GABRB2: variants seen among roughly 807,000 people sequenced by gnomAD.
The protein encoded by GABRB2 is gamma-aminobutyric acid type A receptor subunit beta2.
GABRB2 carries 16 observed loss-of-function variants against 54.7 expected under a neutral mutation model. The ratio of observed to expected loss-of-function variants is 0.29; its 90% CI spans 0.20 to 0.44. GABRB2 has a LOEUF of 0.44. Among genes scored for constraint, GABRB2 ranks in the 20% least tolerant of loss-of-function variants. The pLI, the probability that GABRB2 is intolerant of heterozygous loss-of-function variation, is 1.00. For missense variants in GABRB2, 355 were observed against 644.0 expected (o/e 0.55, Z 4.86); for synonymous variants, 244 against 233.8 (o/e 1.04, Z -0.40).
intron 5 of GABRB2, among the ~76,000 whole-genome samples, chr5:161,364,023 A>G (rs1239628727): frequency 1.3e-5 from 2 of 152,220 alleles, no homozygotes; most frequent in East Asian, 3.8e-4. Context: ...CTGAAGTGAT[A>G]AAAATCACAT....
At chr5:161,466,764 G>A (rs1457842720) in intron 3 of GABRB2, among the ~76,000 whole-genome samples, 1 of 151,956 alleles carries the variant, frequency 6.6e-6, no homozygotes, top group Non-Finnish European at 1.5e-5. Flanking sequence ...TCAACCATGA[G>A]CTTCGGCCCT....
chr5:161,297,797 C>T (rs1040389748), intron 9 of GABRB2, among the ~76,000 whole-genome samples: 13 of 152,056 alleles, frequency 8.5e-5, no homozygotes, highest in Non-Finnish European at 1.3e-4. Context: ...AGTATATACT[C>T]GGTAATGGGA....
intron 5 of GABRB2, among the ~76,000 whole-genome samples, chr5:161,349,276 C>T (rs1025453420): frequency 3.3e-5 from 5 of 151,724 alleles, no homozygotes; most frequent in Non-Finnish European, 7.4e-5. Context: ...AAACAAACTA[C>T]GGGACCTATG....
intron 9 of GABRB2, among the ~76,000 whole-genome samples, chr5:161,323,169 C>T (rs1003729327): frequency 7.3e-5 from 11 of 151,618 alleles, no homozygotes; most frequent in African/African-American, 2.7e-4. Context: ...TTACAGGCGC[C>T]CGCCACCACA....
intron 5 of GABRB2, among the ~76,000 whole-genome samples, chr5:161,378,536 A>G (rs1336166144): frequency 6.6e-6 from 1 of 152,106 alleles, no homozygotes; most frequent in Admixed American, 6.6e-5. Flanking sequence ...TCTAGGGGCA[A>G]AGACATGTTT....
chr5:161,359,359 C>A (rs1479691729), intron 5 of GABRB2, among the ~76,000 whole-genome samples: 1 of 151,872 alleles, frequency 6.6e-6, no homozygotes, highest in Non-Finnish European at 1.5e-5. Flanking sequence ...CTTCTATAAA[C>A]CTAAATTTTT....
intron 9 of GABRB2, 73 bp downstream of exon 9, chr5:161,326,295 T>G: frequency 6.3e-7 from 1 of 1,590,150 alleles, no homozygotes; most frequent in Admixed American, 1.8e-5. Flanking sequence ...CCCACACATT[T>G]TTTAAGGGAA....
chr5:161,408,833 TG>T (rs1419301814), intron 5 of GABRB2, among the ~76,000 whole-genome samples: 1 of 151,010 alleles, frequency 6.6e-6, no homozygotes, highest in Non-Finnish European at 1.5e-5. Flanking sequence ...AGAATGAGAG[TG>T]AATGAATGCC....
Position 161,289,166 on chromosome 5 carries a change from T to C in GABRB2, c.*4915A>G, listed in dbSNP as rs1425395461. 1 of 151,818 alleles carries C rather than the reference T, an allele frequency of 6.6e-6. No individual in the cohort carries two copies. The highest frequency in any genetic ancestry group is 2.4e-5 in the African/African-American group (1 of 41,270). 9.4% of individuals were successfully genotyped at this position (151,818 alleles called of 1,614,324 possible). ...CAAATTAAAATTTGATGTCAGAATTTTGAATATATCTACAGAAATATTTTA... is the reference window on the plus strand; with the variant it reads ...CAAATTAAAATTTGATGTCAGAATTCTGAATATATCTACAGAAATATTTTA... On this transcript the variant is annotated 3_prime_UTR_variant, in exon 10 of 10. Transcript: ENST00000393959.
intron 4 of GABRB2, among the ~76,000 whole-genome samples, chr5:161,457,604 C>T (rs1233706601): frequency 6.6e-6 from 1 of 152,000 alleles, no homozygotes; most frequent in Non-Finnish European, 1.5e-5. Flanking sequence ...CGCCACTACG[C>T]CCAGCAAATT....
chr5:161,478,538 G>C (rs920503198), intron 3 of GABRB2, among the ~76,000 whole-genome samples: 3 of 151,994 alleles, frequency 2.0e-5, no homozygotes, highest in Non-Finnish European at 2.9e-5. Flanking sequence ...TTTACAATAT[G>C]CTTGTGTTTT....
chr5:161,525,818 AATAAATCAACCTGGGGGTG>A (rs1338184356), intron 3 of GABRB2, among the ~76,000 whole-genome samples: 1 of 151,366 alleles, frequency 6.6e-6, no homozygotes, highest in Admixed American at 6.6e-5. Context: ...CCCAGTATTA[AATAAATCAACCTGGGGGTG>A]ATAAGTTCTT....
At chr5:161,517,891 G>C (rs899229904) in intron 3 of GABRB2, among the ~76,000 whole-genome samples, 1 of 151,900 alleles carries the variant, frequency 6.6e-6, no homozygotes, top group East Asian at 1.9e-4. Flanking sequence ...CTGCCTCCCG[G>C]GTTCACACCA....
At chr5:161,403,945 C>G (rs372894845) in intron 5 of GABRB2, among the ~76,000 whole-genome samples, 2 of 152,070 alleles carry the variant, frequency 1.3e-5, no homozygotes, top group East Asian at 3.9e-4. Context: ...TATGATTTCT[C>G]TTTACTAGGG....
At chr5:161,533,681 T>C (rs181547069) in intron 3 of GABRB2, among the ~76,000 whole-genome samples, 18 of 152,196 alleles carry the variant, frequency 1.2e-4, no homozygotes, top group African/African-American at 3.4e-4. Context: ...GACTCCTTTC[T>C]TTGCAAAAAA....
chr5:161,357,607 G>T (rs1039299822), intron 5 of GABRB2, among the ~76,000 whole-genome samples: 13 of 152,126 alleles, frequency 8.5e-5, no homozygotes, highest in Middle Eastern at 3.4e-3. Flanking sequence ...CATTGGGTTG[G>T]TAAAAACTGA....
rs906238835 is a variant in GABRB2 at position 161,327,947 on chromosome 5, G to A, written c.1078-1466C>T. On this transcript the variant is annotated intron_variant, in intron 8 of 9. Transcript: ENST00000393959. Reference sequence around the variant, plus strand: ...ATTCATGATGCTGACACAAAGGACAGCACCGCATAATCAGGAGCAATGTGG... The same window carrying A: ...ATTCATGATGCTGACACAAAGGACAACACCGCATAATCAGGAGCAATGTGG... Among the ~76,000 whole-genome samples the A allele has an allele frequency of 3.3e-5, 5 of 152,190 alleles. No individual in the cohort carries two copies. In the East Asian group the frequency reaches 9.6e-4, roughly 29 times the overall value.
At chr5:161,400,553 C>T (rs1308348202) in intron 5 of GABRB2, among the ~76,000 whole-genome samples, 1 of 152,086 alleles carries the variant, frequency 6.6e-6, no homozygotes, top group Non-Finnish European at 1.5e-5. Context: ...GCATTAGAAA[C>T]TTAAAAGAAG....
At chr5:161,487,966 C>T (rs937638655) in intron 3 of GABRB2, among the ~76,000 whole-genome samples, 1 of 151,796 alleles carries the variant, frequency 6.6e-6, no homozygotes, top group African/African-American at 2.4e-5. Context: ...GCTAAACATC[C>T]CTTAAGAACT....
Sources: gnomAD v4.1 joint callset for allele counts (sites outside exome capture counted in the v4.1 genomes callset) on GRCh38, gnomAD v4.1.1 for gene constraint, MANE v1.5 for transcripts, NCBI Gene and HGNC (gene_info 2026-07-23, HGNC 2026-07-21) for gene names.